Variants in RAPGEF4 observed in about 807,000 individuals in gnomAD.
The protein encoded by RAPGEF4 is RAP guanine-nucleotide-exchange factor (GEF) 4.
Under a neutral mutation model 147.9 loss-of-function variants are expected in RAPGEF4, and 66 were observed. That is an observed-to-expected ratio of 0.45 (90% CI 0.37 to 0.55). RAPGEF4 has a LOEUF of 0.55. RAPGEF4 is among the 20% of genes least tolerant of loss of function. The pLI, the probability that RAPGEF4 is intolerant of heterozygous loss-of-function variation, is 0.00. For synonymous variants in RAPGEF4, 419 were observed against 442.7 expected (o/e 0.95, Z 0.67); for missense variants, 1,071 against 1,257.3 (o/e 0.85, Z 2.24).
intron 4 of RAPGEF4, among the ~76,000 whole-genome samples, chr2:172,902,168 G>A (rs527400786): frequency 2.7e-4 from 41 of 152,266 alleles, no homozygotes; most frequent in African/African-American, 9.6e-4. Flanking sequence ...GGAATGAATA[G>A]GGGAGGCGAG....
At chr2:172,806,015 C>CTGTGTG (rs36226317) in intron 3 of RAPGEF4, among the ~76,000 whole-genome samples, 4 of 145,424 alleles carry the variant, frequency 2.8e-5, no homozygotes, top group African/African-American at 1.0e-4. Context: ...TATTATCCGG[C>CTGTGTG]TGTGTGTGTG....
At chr2:172,959,907 T>G (rs1689112894) in intron 6 of RAPGEF4, among the ~76,000 whole-genome samples, 1 of 151,686 alleles carries the variant, frequency 6.6e-6, no homozygotes, top group South Asian at 2.1e-4. Context: ...CTGGGCAACA[T>G]ATCGAGACCT....
chr2:173,047,894 T>G (rs1370308060), intron 29 of RAPGEF4, among the ~76,000 whole-genome samples: 1 of 152,172 alleles, frequency 6.6e-6, no homozygotes, highest in East Asian at 1.9e-4. Context: ...GCCAGGATGG[T>G]CTCGATCTCC....
At chr2:172,956,128 C>G (rs1688704732) in intron 6 of RAPGEF4, among the ~76,000 whole-genome samples, 1 of 152,196 alleles carries the variant, frequency 6.6e-6, no homozygotes, top group East Asian at 1.9e-4. Context: ...CTAGTAGTGG[C>G]CATACCTCTA....
chr2:172,745,678 G>A (rs947481666), intron 1 of RAPGEF4, among the ~76,000 whole-genome samples: 1 of 151,602 alleles, frequency 6.6e-6, no homozygotes, highest in Non-Finnish European at 1.5e-5. Flanking sequence ...ACTAATATAA[G>A]CATTTCAGCT....
intron 4 of RAPGEF4, among the ~76,000 whole-genome samples, chr2:172,893,224 G>A (rs1698124061): frequency 6.6e-6 from 1 of 152,212 alleles, no homozygotes; most frequent in Non-Finnish European, 1.5e-5. Flanking sequence ...GTGGATGAGA[G>A]CCAGTGGGAC....
At chr2:172,763,812 C>T (rs1235229432) in intron 1 of RAPGEF4, among the ~76,000 whole-genome samples, 5 of 151,800 alleles carry the variant, frequency 3.3e-5, no homozygotes, top group African/African-American at 1.2e-4. Flanking sequence ...CTAGTTTGTC[C>T]ATTTTTGAAA....
intron 4 of RAPGEF4, chr2:172,821,981 G>A: frequency 1.2e-6 from 2 of 1,613,270 alleles, no homozygotes; most frequent in Non-Finnish European, 1.7e-6. Context: ...TACAAGGTCA[G>A]AATGAATCTT....
chr2:172,910,933 C>T (rs1700033829), intron 4 of RAPGEF4, among the ~76,000 whole-genome samples: 1 of 152,142 alleles, frequency 6.6e-6, no homozygotes, highest in South Asian at 2.1e-4. Context: ...TAGATGGTCC[C>T]TATTGATGAA....
intron 3 of RAPGEF4, among the ~76,000 whole-genome samples, chr2:172,800,596 T>C (rs1242445595): frequency 1.3e-5 from 2 of 152,078 alleles, no homozygotes; most frequent in Non-Finnish European, 2.9e-5. Flanking sequence ...CAGGTTTGTT[T>C]TTAGGAACTG....
chr2:172,952,063 G>C (rs1247742152), intron 6 of RAPGEF4, among the ~76,000 whole-genome samples: 1 of 152,132 alleles, frequency 6.6e-6, no homozygotes, highest in Non-Finnish European at 1.5e-5. Context: ...GCCAGGCATG[G>C]TAATTTACAC....
chr2:173,038,119 G>A (rs570116664), intron 29 of RAPGEF4, among the ~76,000 whole-genome samples: 63 of 152,314 alleles, frequency 4.1e-4, no homozygotes, highest in African/African-American at 1.5e-3. Context: ...TAGATGGCAA[G>A]TATGTCCTCA....
At chr2:172,736,622 A>T (rs1693799655) in intron 1 of RAPGEF4, among the ~76,000 whole-genome samples, 1 of 152,162 alleles carries the variant, frequency 6.6e-6, no homozygotes, top group African/African-American at 2.4e-5. Context: ...TCGTCTTAAT[A>T]CCTGCTTCTC....
In RAPGEF4 at chr2:172,784,987, G is replaced by A. The variant is rs543672178; in HGVS notation, c.66-10038G>A. Among the ~76,000 whole-genome samples, 8 of 152,178 alleles carry A rather than the reference G, an allele frequency of 5.3e-5. No individual in the cohort carries two copies. The South Asian group carries it at 1.5e-3, about 28-fold the overall frequency. Reference sequence around the variant, plus strand: ...ATTACAGGCATGTGCCACCACACCCGGCTAATTTTGTATTTTTAGTAGAGA... The same window carrying A: ...ATTACAGGCATGTGCCACCACACCCAGCTAATTTTGTATTTTTAGTAGAGA... On this transcript the variant is annotated intron_variant, in intron 1 of 30. Coordinates refer to ENST00000397081, the MANE Select transcript of RAPGEF4 (RefSeq NM_007023.4).
intron 4 of RAPGEF4, among the ~76,000 whole-genome samples, chr2:172,824,136 T>C (rs1038945295): frequency 2.6e-5 from 4 of 152,338 alleles, no homozygotes; most frequent in Non-Finnish European, 5.9e-5. Flanking sequence ...AAATATATTA[T>C]TTGGAAGGGA....
rs1197400181 is a variant in RAPGEF4, at chr2:172,804,783, TA to T, written c.297+7177del. On this transcript the variant is annotated intron_variant, in intron 3 of 30. Transcript: ENST00000397081. The stretch of plus-strand genomic sequence containing the variant: ...ATTGCTGAAGCCTAAAATTATATAT[TA>T]AAAAAAGTCATGATTCTACATTTCA... Among the ~76,000 whole-genome samples the T allele has an allele frequency of 3.3e-5, 5 of 152,078 alleles. No individual in the cohort carries two copies. In the South Asian group the frequency reaches 6.2e-4, roughly 19 times the overall value.
intron 1 of RAPGEF4, among the ~76,000 whole-genome samples, chr2:172,775,650 T>C (rs990886012): frequency 6.6e-6 from 1 of 152,216 alleles, no homozygotes; most frequent in African/African-American, 2.4e-5. Flanking sequence ...TTTTTTGGCA[T>C]TTGTAGTTTT....
At chr2:172,736,111 G>A (rs2149403852) in intron 1 of RAPGEF4, 63 bp downstream of exon 1, 3 of 1,286,344 alleles carry the variant, frequency 2.3e-6, no homozygotes, top group Non-Finnish European at 3.0e-6. Flanking sequence ...CCCTGAGACC[G>A]CCGCAGCTCC....
chr2:172,885,386 G>T (rs1697086359), intron 4 of RAPGEF4, among the ~76,000 whole-genome samples: 1 of 152,192 alleles, frequency 6.6e-6, no homozygotes, highest in Non-Finnish European at 1.5e-5. Flanking sequence ...GGGAACTTAA[G>T]CTAAGACAGA....
Sources: gnomAD v4.1 joint callset for allele counts (sites outside exome capture counted in the v4.1 genomes callset) on GRCh38, gnomAD v4.1.1 for gene constraint, MANE v1.5 for transcripts, NCBI Gene and HGNC (gene_info 2026-07-23, HGNC 2026-07-21) for gene names.